FAM174A: variants seen among roughly 807,000 people sequenced by gnomAD.
FAM174A encodes membrane protein FAM174A.
In FAM174A, 14 loss-of-function variants were observed where a neutral mutation model predicts 14.3. The observed-to-expected ratio is 0.98, with a 90% CI of 0.65 to 1.53. The LOEUF (loss-of-function observed/expected upper bound fraction) is 1.53, where lower values mean the gene tolerates loss of function less well. FAM174A is among the 40% of genes most tolerant of loss of function. The probability of loss-of-function intolerance (pLI) is 0.00; values close to 1 mark genes in which losing one functional copy is unlikely to be tolerated. For synonymous variants in FAM174A, 108 were observed against 111.4 expected, an observed-to-expected ratio of 0.97 and a Z score of 0.19; for missense variants, 241 against 249.6, an observed-to-expected ratio of 0.97 and a Z score of 0.23.
chr5:100,562,249 A>C (rs1336477366), intron 2 of FAM174A, 61 bp downstream of exon 2: 15 of 1,432,232 alleles, frequency 1.0e-5, no homozygotes, highest in Non-Finnish European at 1.3e-5. Context: ...AAGTAAACTG[A>C]AGAAGTAAAG....
At position 100,586,667 on chromosome 5, in the gene FAM174A, G is replaced by A. The variant is rs1273937486; in HGVS notation, c.*483G>A. On this transcript the variant is annotated 3_prime_UTR_variant, in exon 3 of 3. Transcript: ENST00000312637. ...GAAGCCAAATTTATTACTTTGTGTTGGGGTTTTTAAAATATTAAGAAATGT... is the reference window on the plus strand; with the variant it reads ...GAAGCCAAATTTATTACTTTGTGTTAGGGTTTTTAAAATATTAAGAAATGT... The A allele has an allele frequency of 6.6e-6, 1 of 151,898 alleles. No homozygotes were observed. Among genetic ancestry groups the A allele is most frequent in the African/African-American group, 2.4e-5 (1 of 41,344 alleles). The allele number at this position is 151,898 out of a possible 1,614,324, so 9.4% of individuals were successfully genotyped here. A position where few individuals can be genotyped will look rare whatever the true frequency, so the allele number is the denominator to read the frequency against.
At chr5:100,536,025 C>T (rs1213417712) in intron 1 of FAM174A, 61 bp downstream of exon 1, 3 of 1,445,306 alleles carry the variant, frequency 2.1e-6, no homozygotes, top group African/African-American at 2.8e-5. Flanking sequence ...CGGTGATCTC[C>T]AGCAAGGCTG....
intron 2 of FAM174A, among the ~76,000 whole-genome samples, chr5:100,567,381 A>G (rs1746678638): frequency 6.6e-6 from 1 of 151,916 alleles, no homozygotes; most frequent in African/African-American, 2.4e-5. Context: ...ACAAAACAAA[A>G]AAATCTGACT....
Position 100,569,894 on chromosome 5 carries a change from G to A in FAM174A, c.569+7706G>A, listed in dbSNP as rs1194576730. ...TGAAGGAGTCTTAGATATGGAGTTG[G>A]GATTCACAATTTTTGGGTTTTGACT... On this transcript the variant is annotated intron_variant, in intron 2 of 2. Coordinates refer to ENST00000312637, the MANE Select transcript of FAM174A (RefSeq NM_198507.3). Among the ~76,000 whole-genome samples the A allele has an allele frequency of 2.6e-5, 4 of 151,490 alleles. No individual in the cohort carries two copies. The Admixed American group carries it at 2.6e-4, about 10-fold the overall frequency.
At chr5:100,565,755 A>G (rs1256656228) in intron 2 of FAM174A, among the ~76,000 whole-genome samples, 2 of 151,806 alleles carry the variant, frequency 1.3e-5, no homozygotes, top group East Asian at 3.9e-4. Context: ...TGACAGATGT[A>G]TTAGTCCGTT....
At chr5:100,574,163 A>C (rs1376418548) in intron 2 of FAM174A, among the ~76,000 whole-genome samples, 1 of 150,116 alleles carries the variant, frequency 6.7e-6, no homozygotes, top group African/African-American at 2.5e-5. Flanking sequence ...ACAGTTCCGC[A>C]GATTTCCAAA....
At chr5:100,582,474 GT>G (rs141863119) in intron 2 of FAM174A, among the ~76,000 whole-genome samples, 9,905 of 143,550 alleles carry the variant, frequency 0.069, 404 homozygotes, top group African/African-American at 0.12. Flanking sequence ...TGCACATTTT[GT>G]TTTTTTTTTT....
At chr5:100,559,576 C>A (rs912584677) in intron 1 of FAM174A, among the ~76,000 whole-genome samples, 1 of 152,126 alleles carries the variant, frequency 6.6e-6, no homozygotes, top group Non-Finnish European at 1.5e-5. Flanking sequence ...CCATCACTTT[C>A]AGGTACACCA....
intron 1 of FAM174A, among the ~76,000 whole-genome samples, chr5:100,556,549 C>T (rs151036450): frequency 0.028 from 4,253 of 152,180 alleles, 182 homozygotes; most frequent in East Asian, 0.23. Context: ...GCCATTTTCA[C>T]GATATTGATT....
intron 1 of FAM174A, among the ~76,000 whole-genome samples, chr5:100,555,635 A>C (rs531645737): frequency 3.9e-5 from 6 of 152,150 alleles, no homozygotes; most frequent in Admixed American, 2.0e-4. Flanking sequence ...CTGGTGTGAG[A>C]TGGTATCTCA....
At chr5:100,553,626 C>T (rs1746307345) in intron 1 of FAM174A, among the ~76,000 whole-genome samples, 1 of 152,042 alleles carries the variant, frequency 6.6e-6, no homozygotes, top group Non-Finnish European at 1.5e-5. Flanking sequence ...ATTTGAACTG[C>T]ATCACCCATT....
In FAM174A at chr5:100,582,230, TG is replaced by T. The variant is rs568895808; in HGVS notation, c.570-3950del. Among the ~76,000 whole-genome samples, 603 of 150,080 alleles carry T rather than the reference TG, an allele frequency of 4.0e-3. 5 individuals carry two copies. Among genetic ancestry groups the T allele is most frequent in the African/African-American group, 0.014 (559 of 39,566 alleles). On this transcript the variant is annotated intron_variant, in intron 2 of 2. Coordinates refer to ENST00000312637, the MANE Select transcript of FAM174A (RefSeq NM_198507.3). ...GTACAAAAGAATTCTAAGTGTTACATGTTTTTTTTTAATAACCTTCAGTATA... is the reference window on the plus strand; with the variant it reads ...GTACAAAAGAATTCTAAGTGTTACATTTTTTTTTTAATAACCTTCAGTATA...
At chr5:100,553,111 A>T (rs1341163122) in intron 1 of FAM174A, among the ~76,000 whole-genome samples, 1 of 152,098 alleles carries the variant, frequency 6.6e-6, no homozygotes, top group Non-Finnish European at 1.5e-5. Flanking sequence ...ACACATATAG[A>T]TGAGTTTGAG....
chr5:100,538,767 G>T (rs1237962132), intron 1 of FAM174A, among the ~76,000 whole-genome samples: 1 of 151,456 alleles, frequency 6.6e-6, no homozygotes, highest in Non-Finnish European at 1.5e-5. Flanking sequence ...GATAATTGCT[G>T]TTTACTGACG....
intron 1 of FAM174A, among the ~76,000 whole-genome samples, chr5:100,555,491 G>C (rs1333281926): frequency 3.9e-5 from 6 of 152,054 alleles, no homozygotes; most frequent in Non-Finnish European, 8.8e-5. Flanking sequence ...CTAGATCCCT[G>C]AGGAATCGCC....
At chr5:100,576,485 G>A (rs1358412158) in intron 2 of FAM174A, among the ~76,000 whole-genome samples, 1 of 152,100 alleles carries the variant, frequency 6.6e-6, no homozygotes, top group Non-Finnish European at 1.5e-5. Flanking sequence ...GAATGAGAAA[G>A]GTTTCCCTAA....
intron 1 of FAM174A, among the ~76,000 whole-genome samples, chr5:100,551,686 C>T (rs953540097): frequency 5.3e-5 from 8 of 152,160 alleles, no homozygotes; most frequent in Admixed American, 3.9e-4. Flanking sequence ...AATTTATTGT[C>T]TCACAGTTCT....
intron 1 of FAM174A, among the ~76,000 whole-genome samples, chr5:100,547,706 C>T (rs1746190851): frequency 6.6e-6 from 1 of 152,054 alleles, no homozygotes. Context: ...TGAGTATATA[C>T]ATCCAGATGA....
intron 1 of FAM174A, among the ~76,000 whole-genome samples, chr5:100,543,254 A>T (rs1205497038): frequency 6.6e-6 from 1 of 151,770 alleles, no homozygotes; most frequent in Non-Finnish European, 1.5e-5. Context: ...AGTAGGTGGG[A>T]CTACAGGCGC....
Sources: gnomAD v4.1 joint callset for allele counts (sites outside exome capture counted in the v4.1 genomes callset) on GRCh38, gnomAD v4.1.1 for gene constraint, MANE v1.5 for transcripts, NCBI Gene and HGNC (gene_info 2026-07-23, HGNC 2026-07-21) for gene names.